Variants in TLE1 observed in about 807,000 individuals in gnomAD.
TLE1 encodes the protein transducin-like enhancer protein 1.
Under a neutral mutation model 89.8 loss-of-function variants are expected in TLE1, and 21 were observed. The observed-to-expected ratio is 0.23, with a 90% CI of 0.17 to 0.34. TLE1 has a LOEUF of 0.34. TLE1 is among the 10% of genes least tolerant of loss of function. The probability of loss-of-function intolerance (pLI) is 1.00; values close to 1 mark genes in which losing one functional copy is unlikely to be tolerated. For synonymous variants in TLE1, 447 were observed against 407.6 expected (o/e 1.10, Z -1.16); for missense variants, 795 against 1,031.2 (o/e 0.77, Z 3.14).
intron 6 of TLE1, among the ~76,000 whole-genome samples, chr9:81,634,856 A>G (rs116691289): frequency 0.013 from 2,016 of 152,314 alleles, 54 homozygotes; most frequent in African/African-American, 0.045. Flanking sequence ...TTACCACAGT[A>G]GTATGATGAG....
chr9:81,681,686 C>T (rs920146426), intron 4 of TLE1, among the ~76,000 whole-genome samples: 2 of 152,182 alleles, frequency 1.3e-5, no homozygotes, highest in African/African-American at 2.4e-5. Context: ...CACCAGGATT[C>T]CTGACTTGTT....
At chr9:81,605,439 G>A (rs924689151) in intron 14 of TLE1, among the ~76,000 whole-genome samples, 13 of 152,048 alleles carry the variant, frequency 8.5e-5, no homozygotes, top group Non-Finnish European at 1.8e-4. Flanking sequence ...TTTGACTTAC[G>A]GGGCGGGGCG....
At chr9:81,683,813 A>G (rs1032055968) in intron 4 of TLE1, among the ~76,000 whole-genome samples, 1 of 152,184 alleles carries the variant, frequency 6.6e-6, no homozygotes, top group Non-Finnish European at 1.5e-5. Context: ...CAGACAGTAT[A>G]TAGCCACAAA....
intron 6 of TLE1, among the ~76,000 whole-genome samples, chr9:81,649,335 C>G (rs1376803360): frequency 6.6e-6 from 1 of 152,128 alleles, no homozygotes; most frequent in East Asian, 1.9e-4. Context: ...AATACAACCT[C>G]TCTCTGTCTC....
chr9:81,660,979 A>ACACAG (rs997585124), intron 4 of TLE1, among the ~76,000 whole-genome samples: 1 of 59,566 alleles, frequency 1.7e-5, no homozygotes, highest in Non-Finnish European at 4.3e-5. Context: ...ACACACACAC[A>ACACAG]TTTAGCCTGG....
chr9:81,662,377 G>C (rs1353845597), intron 4 of TLE1, among the ~76,000 whole-genome samples: 2 of 134,390 alleles, frequency 1.5e-5, no homozygotes, highest in African/African-American at 5.8e-5. Context: ...GTGTGTGTGT[G>C]TGTGTGTGTG....
chr9:81,633,367 G>A lies in TLE1; in HGVS notation c.578-3C>T. 6.2e-7 allele frequency: 1 copy of A among 1,613,334 alleles called. No homozygotes were observed. Among genetic ancestry groups the A allele is most frequent in the Non-Finnish European group, 8.5e-7 (1 of 1,179,886 alleles). On this transcript the variant is annotated splice_polypyrimidine_tract_variant and splice_region_variant and intron_variant, in intron 7 of 19. Coordinates refer to ENST00000376499, the MANE Select transcript of TLE1 (RefSeq NM_005077.5). ...ACTTACTGTGCCCGGCTCTCTGTCT[G>A]CTCCCGAGGTTACCAAGAAACGCAC...
At chr9:81,628,952 G>A (rs1291633954) in intron 8 of TLE1, among the ~76,000 whole-genome samples, 5 of 152,106 alleles carry the variant, frequency 3.3e-5, no homozygotes, top group Non-Finnish European at 2.9e-5. Context: ...ATCCATGAAT[G>A]CCACTGCGTA....
Position 81,663,816 on chromosome 9 carries a change from G to A in TLE1, c.235-9780C>T, listed in dbSNP as rs549248878. 2.1e-4 allele frequency among the ~76,000 whole-genome samples: 32 copies of A among 151,790 alleles called. No individual in the cohort carries two copies. The East Asian group carries it at 5.5e-3, about 26-fold the overall frequency. Reference sequence around the variant, plus strand: ...TAATTTTTGTATTTTTAGTAGAGACGGGGTTTCACCATGTCGGCAGGATGG... The same window carrying A: ...TAATTTTTGTATTTTTAGTAGAGACAGGGTTTCACCATGTCGGCAGGATGG... On this transcript the variant is annotated intron_variant, in intron 4 of 19. Transcript: ENST00000376499.
intron 6 of TLE1, among the ~76,000 whole-genome samples, chr9:81,643,619 T>TG (rs142818206): frequency 0.033 from 5,022 of 152,004 alleles, 295 homozygotes; most frequent in African/African-American, 0.12. Flanking sequence ...ATTGCAGCCT[T>TG]GAAGTCCCAG....
At chr9:81,632,713 G>C (rs1363062167) in intron 8 of TLE1, among the ~76,000 whole-genome samples, 1 of 152,094 alleles carries the variant, frequency 6.6e-6, no homozygotes, top group Non-Finnish European at 1.5e-5. Context: ...GTGAAAACAT[G>C]AACTCTACGC....
intron 8 of TLE1, among the ~76,000 whole-genome samples, chr9:81,629,260 T>C (rs145239484): frequency 7.9e-5 from 12 of 152,132 alleles, no homozygotes; most frequent in East Asian, 5.9e-4. Flanking sequence ...CAGATAAAAA[T>C]AGCATTCCCT....
At chr9:81,656,481 CACAGATACATAT>C (rs1229900346) in intron 4 of TLE1, among the ~76,000 whole-genome samples, 5 of 152,308 alleles carry the variant, frequency 3.3e-5, no homozygotes, top group Non-Finnish European at 7.3e-5. Context: ...TACACATGCA[CACAGATACATAT>C]ACAGAAATAT....
chr9:81,683,932 A>G (rs527692198), intron 4 of TLE1, among the ~76,000 whole-genome samples: 68 of 152,268 alleles, frequency 4.5e-4, no homozygotes, highest in Non-Finnish European at 8.2e-4. Flanking sequence ...ATCCCGCCAC[A>G]TAACCTACAG....
intron 4 of TLE1, among the ~76,000 whole-genome samples, chr9:81,660,022 T>G (rs948856896): frequency 6.6e-6 from 1 of 152,148 alleles, no homozygotes; most frequent in African/African-American, 2.4e-5. Context: ...TGTCATTTGG[T>G]AAACTAAACC....
At chr9:81,663,716 G>A (rs1343602418) in intron 4 of TLE1, among the ~76,000 whole-genome samples, 1 of 149,634 alleles carries the variant, frequency 6.7e-6, no homozygotes, top group African/African-American at 2.5e-5. Flanking sequence ...TCTGCCTCCC[G>A]GGTTCACGCC....
At chr9:81,600,003 G>A in intron 14 of TLE1, 3 of 648,374 alleles carry the variant, frequency 4.6e-6, no homozygotes, top group Non-Finnish European at 8.6e-6. Context: ...GTTGATAAAT[G>A]AGGAAGTATT....
rs113739695 is a variant in TLE1 at position 81,659,706 on chromosome 9, A to G, written c.235-5670T>C. ...TAATACAGTTAGCCCTCATCATCCA[A>G]AAATTAGGGTTTGCATCTTGGCAAA... On this transcript the variant is annotated intron_variant, in intron 4 of 19. Transcript: ENST00000376499. 3.8e-3 allele frequency among the ~76,000 whole-genome samples: 586 copies of G among 152,230 alleles called. 5 individuals are homozygous for G. The highest frequency in any genetic ancestry group is 0.014 in the African/African-American group (573 of 41,540).
chr9:81,628,189 T>C (rs1184529245), intron 8 of TLE1, among the ~76,000 whole-genome samples: 2 of 152,110 alleles, frequency 1.3e-5, no homozygotes, highest in Non-Finnish European at 2.9e-5. Flanking sequence ...AGGAGGGCAT[T>C]CCCTAAGCAC....
Sources: allele counts gnomAD v4.1 joint callset (sites outside exome capture counted in the v4.1 genomes callset), GRCh38; gene constraint gnomAD v4.1.1; transcripts MANE v1.5; gene names NCBI Gene and HGNC (gene_info 2026-07-23, HGNC 2026-07-21).